The following LHX8 variants were observed in gnomAD, a reference collection of about 807,000 sequenced individuals.
LHX8 encodes LIM homeobox 8, also known as LIM/homeobox protein Lhx8.
Under a neutral mutation model 40.3 loss-of-function variants are expected in LHX8, and 12 were observed. The observed-to-expected ratio is 0.30, with a 90% CI of 0.19 to 0.48. The LOEUF is 0.48. LHX8 is among the 20% of genes least tolerant of loss of function. The probability of loss-of-function intolerance (pLI) is 0.99; values close to 1 mark genes in which losing one functional copy is unlikely to be tolerated. For synonymous variants in LHX8, 179 were observed against 162.0 expected, an observed-to-expected ratio of 1.10 and a Z score of -0.80; for missense variants, 344 against 433.7, an observed-to-expected ratio of 0.79 and a Z score of 1.84.
At chr1:75,160,683 C>A (rs547390677) in intron 8 of LHX8, 136 bp from the exon 9 acceptor site, 42 of 719,242 alleles carry the variant, frequency 5.8e-5, no homozygotes, top group Non-Finnish European at 1.1e-4. Context: ...CTGCTGAGGT[C>A]AGTGGAATGA....
chr1:75,177,695 G>A, the LHX8 span, among the ~76,000 whole-genome samples: 56 of 152,140 alleles, frequency 3.7e-4, no homozygotes, highest in African/African-American at 1.3e-3. Context: ...GCCCTGGCCA[G>A]AACTTCTAAC....
downstream of LHX8, among the ~76,000 whole-genome samples, chr1:75,162,077 G>A (rs1648933133): frequency 6.6e-6 from 1 of 152,116 alleles, no homozygotes; most frequent in Admixed American, 6.6e-5. Flanking sequence ...GTTTAAGTCT[G>A]TGTTTAACTG....
the LHX8 span, among the ~76,000 whole-genome samples, chr1:75,166,636 G>A: frequency 6.6e-6 from 1 of 152,178 alleles, no homozygotes; most frequent in Non-Finnish European, 1.5e-5. Context: ...ACTCCTCCAA[G>A]CGAGACCATA....
downstream of LHX8, among the ~76,000 whole-genome samples, chr1:75,163,382 G>A (rs926725449): frequency 6.6e-6 from 1 of 152,116 alleles, no homozygotes; most frequent in Non-Finnish European, 1.5e-5. Flanking sequence ...GTTATGGCAT[G>A]GATGACTTTA....
the LHX8 span, among the ~76,000 whole-genome samples, chr1:75,176,612 A>G: frequency 0.12 from 17,951 of 152,130 alleles, 1,273 homozygotes; most frequent in Middle Eastern, 0.22. Context: ...ATTTTCTCCC[A>G]TTCTGTAGGT....
the LHX8 span, among the ~76,000 whole-genome samples, chr1:75,197,196 T>C: frequency 6.6e-6 from 1 of 152,196 alleles, no homozygotes; most frequent in Non-Finnish European, 1.5e-5. Flanking sequence ...ATTTGGCATG[T>C]TTCATATCGG....
intron 1 of LHX8, among the ~76,000 whole-genome samples, chr1:75,129,081 G>A (rs1647896507): frequency 6.6e-6 from 1 of 152,238 alleles, no homozygotes; most frequent in South Asian, 2.1e-4. Flanking sequence ...AACCTCCTGT[G>A]TGGATGAGCA....
chr1:75,137,299 G>C, intron 3 of LHX8, 38 bp downstream of exon 3: 1 of 1,598,566 alleles, frequency 6.3e-7, no homozygotes, highest in Non-Finnish European at 8.6e-7. Context: ...CAAGGGGAGC[G>C]GGCTTAGCGT....
At chr1:75,159,048 T>C (rs1473835303) in intron 8 of LHX8, among the ~76,000 whole-genome samples, 1 of 152,162 alleles carries the variant, frequency 6.6e-6, no homozygotes, top group African/African-American at 2.4e-5. Flanking sequence ...TTTAGTAATC[T>C]TGCACATCTT....
At chr1:75,189,940 T>C in the LHX8 span, among the ~76,000 whole-genome samples, 3 of 152,350 alleles carry the variant, frequency 2.0e-5, no homozygotes, top group African/African-American at 4.8e-5. Flanking sequence ...TCATTTTTTA[T>C]TCATTAACAA....
the LHX8 span, among the ~76,000 whole-genome samples, chr1:75,174,953 C>T: frequency 1.3e-5 from 2 of 152,080 alleles, no homozygotes; most frequent in South Asian, 2.1e-4. Flanking sequence ...TGGTTTTTAT[C>T]CCTCACCCCC....
rs1648169289 is a variant in LHX8 at position 75,137,129 on chromosome 1, C to T, written c.105C>T (p.Asp35=). The T allele has an allele frequency of 3.7e-6, 6 of 1,610,460 alleles. No individual in the cohort carries two copies. The South Asian group carries it at 5.5e-5, about 15-fold the overall frequency. The part of the protein sequence containing the change: ...LVSPEGAGDE[D]SCSSSAPLSP... ...GCCCCGAGGGAGCGGGGGACGAGGA[C>T]TCGTGCTCCTCCTCGGCCCCGCTGT... is the stretch of plus-strand genomic sequence containing the variant. The change falls in exon 3 of 9, where the codon GAC becomes GAT. Residue 35 remains aspartate, a synonymous_variant. Transcript: ENST00000356261.
At chr1:75,173,507 C>T in the LHX8 span, among the ~76,000 whole-genome samples, 4 of 151,154 alleles carry the variant, frequency 2.6e-5, no homozygotes, top group African/African-American at 7.3e-5. Context: ...CTCAGCCTCC[C>T]GAGTAGCTGG....
At chr1:75,193,737 T>C in the LHX8 span, among the ~76,000 whole-genome samples, 2 of 152,224 alleles carry the variant, frequency 1.3e-5, no homozygotes, top group Admixed American at 6.5e-5. Flanking sequence ...ACTTTGAGGA[T>C]GTATTTTTCG....
chr1:75,167,132 G>A, the LHX8 span, among the ~76,000 whole-genome samples: 2 of 152,172 alleles, frequency 1.3e-5, no homozygotes, highest in Admixed American at 6.5e-5. Flanking sequence ...CATGGCAGTA[G>A]GGCTGAAGCT....
intron 7 of LHX8, among the ~76,000 whole-genome samples, chr1:75,152,691 T>C (rs12142460): frequency 0.22 from 34,056 of 152,156 alleles, 4,405 homozygotes; most frequent in Middle Eastern, 0.34. Context: ...AGGGCCTTTA[T>C]ACAAACATGA....
At position 75,148,667 on chromosome 1, in the gene LHX8, C is replaced by A; in HGVS notation, c.765C>A (p.Ser255Arg). The A allele has an allele frequency of 1.2e-6, 2 of 1,612,286 alleles. No individual in the cohort carries two copies. The highest frequency in any genetic ancestry group is 1.7e-6 in the Non-Finnish European group (2 of 1,178,710). The change falls in exon 7 of 9, where the codon AGC becomes AGA. Residue 255 changes from serine (S) to arginine (R), a missense_variant. By Grantham distance (110) the Ser-to-Arg change is moderately radical. Transcript: ENST00000356261. ...AATTGGCAGAAAGGACAGGCTTGAGCAGACGTGTGATACAGGTGATTACTT... is the reference window on the plus strand; with the variant it reads ...AATTGGCAGAAAGGACAGGCTTGAGAAGACGTGTGATACAGGTGATTACTT... ...LQKLAERTGL[S>R]RRVIQVWFQN...
chr1:75,130,532 T>A, upstream of LHX8: 1 of 698,702 alleles, frequency 1.4e-6, no homozygotes, highest in Non-Finnish European at 2.6e-6. Flanking sequence ...TGGCCCACAG[T>A]GGGAGAGAGA....
chr1:75,140,570 T>C (rs2100337111), intron 3 of LHX8, among the ~76,000 whole-genome samples: 1 of 152,304 alleles, frequency 6.6e-6, no homozygotes, highest in Non-Finnish European at 1.5e-5. Context: ...TGAGAGAGTA[T>C]GTGTTTTGTC....
Sources: gnomAD v4.1 joint callset for allele counts (sites outside exome capture counted in the v4.1 genomes callset) on GRCh38, gnomAD v4.1.1 for gene constraint, MANE v1.5 for transcripts, NCBI Gene and HGNC (gene_info 2026-07-23, HGNC 2026-07-21) for gene names.